Variants in GCNA observed in about 807,000 individuals in gnomAD.
GCNA encodes the protein germ cell nuclear acidic protein.
Under a neutral mutation model 38.8 loss-of-function variants are expected in GCNA, and 3 were observed. The observed-to-expected ratio is 0.08, with a 90% CI of 0.04 to 0.20. The LOEUF is 0.20. Ranked by LOEUF, GCNA falls within the 10% of genes least tolerant of loss-of-function variation. The pLI is 1.00. For missense variants in GCNA, 446 were observed against 578.6 expected, an observed-to-expected ratio of 0.77 and a Z score of 2.35; for synonymous variants, 195 against 240.2, an observed-to-expected ratio of 0.81 and a Z score of 1.74.
At chrX:71,600,391 G>T (rs2040703712) in intron 7 of GCNA, among the ~76,000 whole-genome samples, 1 of 110,871 alleles carries the variant, frequency 9.0e-6, no homozygotes, top group South Asian at 3.7e-4. Flanking sequence ...GTTTAACCAA[G>T]ACATAATCAC....
chrX:71,587,880 C>T (rs1023618439), intron 2 of GCNA, among the ~76,000 whole-genome samples: 9 of 111,312 alleles, frequency 8.1e-5, no homozygotes, highest in Non-Finnish European at 1.7e-4. Flanking sequence ...ACCTCTGTCT[C>T]CTGGGTTCAA....
At chrX:71,612,308 A>T in intron 11 of GCNA, 47 bp from the exon 12 acceptor site, 10 of 712,794 alleles carry the variant, frequency 1.4e-5, no homozygotes, top group Non-Finnish European at 2.0e-5. Flanking sequence ...AAAAAAAAAA[A>T]GAGGATTGGT....
intron 7 of GCNA, among the ~76,000 whole-genome samples, chrX:71,598,779 C>T (rs1215488782): frequency 9.0e-6 from 1 of 111,005 alleles, no homozygotes; most frequent in Non-Finnish European, 1.9e-5. Flanking sequence ...GGGCATGATA[C>T]GTGGGGCACT....
intron 2 of GCNA, among the ~76,000 whole-genome samples, chrX:71,587,969 A>G (rs1486042197): frequency 9.1e-6 from 1 of 110,090 alleles, no homozygotes; most frequent in Admixed American, 9.8e-5. Context: ...AAATTTTTGT[A>G]TTTTTAGTAG....
At chrX:71,604,722 G>T in intron 8 of GCNA, 46 bp downstream of exon 8, 1 of 1,193,164 alleles carries the variant, frequency 8.4e-7, no homozygotes, top group Non-Finnish European at 1.1e-6. Context: ...AATGTGCCTT[G>T]CCTGCCAAAT....
At chrX:71,589,349 G>T (rs1466368021) in intron 2 of GCNA, among the ~76,000 whole-genome samples, 1 of 105,481 alleles carries the variant, frequency 9.5e-6, no homozygotes. Flanking sequence ...ATTCACAGGT[G>T]TGATCATGGT....
intron 6 of GCNA, among the ~76,000 whole-genome samples, chrX:71,596,686 C>T (rs1389019240): frequency 1.8e-5 from 2 of 111,542 alleles, no homozygotes; most frequent in East Asian, 2.8e-4. Context: ...TCCCAGGTGC[C>T]ATCTATATAT....
Position 71,601,976 on chromosome X carries a change from G to A in GCNA, c.311-1612G>A, listed in dbSNP as rs148768063. 6.1e-3 allele frequency among the ~76,000 whole-genome samples: 685 copies of A among 111,954 alleles called. 5 individuals carry two copies. Among genetic ancestry groups the A allele is most frequent in the African/African-American group, 0.021 (662 of 30,805 alleles). ...TCTTTCTTTCGGGTATATACGCAGC[G>A]GTGGGTTTGCTGAATTGTATGGTAG... On this transcript the variant is annotated intron_variant, in intron 7 of 12. Transcript: ENST00000373696.
At chrX:71,579,746 C>T (rs1162707856) in intron 1 of GCNA, among the ~76,000 whole-genome samples, 1 of 99,980 alleles carries the variant, frequency 1.0e-5, no homozygotes, top group African/African-American at 3.7e-5. Context: ...CGGTTGGGAG[C>T]AGTTGAAGGT....
intron 2 of GCNA, among the ~76,000 whole-genome samples, chrX:71,587,910 C>T (rs1335898879): frequency 9.0e-6 from 1 of 111,465 alleles, no homozygotes; most frequent in African/African-American, 3.3e-5. Flanking sequence ...GTTCCTCAGC[C>T]TCCCCAGTAG....
intron 2 of GCNA, among the ~76,000 whole-genome samples, chrX:71,589,960 C>T (rs1394917458): frequency 9.5e-6 from 1 of 105,075 alleles, no homozygotes; most frequent in African/African-American, 3.5e-5. Flanking sequence ...TTTGTAGAGA[C>T]GGTTTCACCA....
intron 7 of GCNA, among the ~76,000 whole-genome samples, chrX:71,600,784 T>G (rs1255587490): frequency 8.9e-6 from 1 of 112,546 alleles, no homozygotes; most frequent in Non-Finnish European, 1.9e-5. Flanking sequence ...TCATAGAGAA[T>G]GCAGTATCTG....
At chrX:71,612,284 A>T in intron 11 of GCNA, 71 bp from the exon 12 acceptor site, 1 of 137,689 alleles carries the variant, frequency 7.3e-6, no homozygotes, top group Non-Finnish European at 1.1e-5. Flanking sequence ...TCAAAAAAGG[A>T]AAAAAAAAAA....
intron 7 of GCNA, among the ~76,000 whole-genome samples, chrX:71,601,970 C>T (rs977651588): frequency 8.9e-6 from 1 of 112,020 alleles, no homozygotes; most frequent in African/African-American, 3.3e-5. Context: ...CGGGTATATA[C>T]GCAGCGGTGG....
chrX:71,583,267 GTTCT>G (rs953259697), intron 2 of GCNA, among the ~76,000 whole-genome samples: 1 of 111,679 alleles, frequency 9.0e-6, no homozygotes, highest in Non-Finnish European at 1.9e-5. Context: ...TGTTTTCAGA[GTTCT>G]TTATCAGTTA....
intron 4 of GCNA, among the ~76,000 whole-genome samples, chrX:71,593,584 A>G (rs2040647091): frequency 9.4e-6 from 1 of 106,186 alleles, no homozygotes; most frequent in African/African-American, 3.4e-5. Flanking sequence ...TGAGACAGAG[A>G]AGCAAGAGGC....
At chrX:71,583,454 T>C (rs777282599) in intron 2 of GCNA, among the ~76,000 whole-genome samples, 123 of 111,094 alleles carry the variant, frequency 1.1e-3, no homozygotes, top group African/African-American at 3.8e-3. Context: ...TCATCTCTAT[T>C]TTTTGTTTAA....
chrX:71,579,017 A>T (rs1461606913), intron 1 of GCNA, among the ~76,000 whole-genome samples: 4 of 85,221 alleles, frequency 4.7e-5, no homozygotes, highest in Admixed American at 3.9e-4. Flanking sequence ...ATGTGGTAGC[A>T]CCAGTGACGG....
At chrX:71,585,330 A>G (rs2040577503) in intron 2 of GCNA, among the ~76,000 whole-genome samples, 1 of 110,279 alleles carries the variant, frequency 9.1e-6, no homozygotes, top group Admixed American at 9.7e-5. Flanking sequence ...AAGAAAAAAA[A>G]AAACAAAGCA....
Sources: allele counts gnomAD v4.1 joint callset (sites outside exome capture counted in the v4.1 genomes callset), GRCh38; gene constraint gnomAD v4.1.1; transcripts MANE v1.5; gene names NCBI Gene and HGNC (gene_info 2026-07-23, HGNC 2026-07-21).